The following IGSF11 variants were observed in gnomAD, a reference collection of about 807,000 sequenced individuals.
The protein encoded by IGSF11 is immunoglobulin superfamily member 11.
In IGSF11, 22 loss-of-function variants were observed where a neutral mutation model predicts 41.0. That is an observed-to-expected ratio of 0.54 (90% CI 0.38 to 0.77). The LOEUF is 0.77. IGSF11 is among the 30% of genes least tolerant of loss of function. The pLI, the probability that IGSF11 is intolerant of heterozygous loss-of-function variation, is 0.00. For synonymous variants in IGSF11, 219 were observed against 201.3 expected, an observed-to-expected ratio of 1.09 and a Z score of -0.74; for missense variants, 444 against 530.8, an observed-to-expected ratio of 0.84 and a Z score of 1.61.
chr3:119,040,418 C>G (rs997126000), intron 1 of IGSF11, among the ~76,000 whole-genome samples: 1 of 152,224 alleles, frequency 6.6e-6, no homozygotes, highest in African/African-American at 2.4e-5. Context: ...GTCTCCCACA[C>G]AGCCAGCTCT....
chr3:119,065,909 G>A (rs1463168516), intron 1 of IGSF11, among the ~76,000 whole-genome samples: 1 of 151,588 alleles, frequency 6.6e-6, no homozygotes, highest in Non-Finnish European at 1.5e-5. Context: ...GAATTTACCT[G>A]TGTATTCATT....
intron 1 of IGSF11, among the ~76,000 whole-genome samples, chr3:119,059,214 C>T: frequency 6.7e-6 from 1 of 150,234 alleles, no homozygotes. Context: ...CACACCACAC[C>T]ATGGAAACTA....
intron 1 of IGSF11, among the ~76,000 whole-genome samples, chr3:119,066,705 A>G (rs1942243774): frequency 6.6e-6 from 1 of 152,104 alleles, no homozygotes; most frequent in African/African-American, 2.4e-5. Context: ...TCATCGTACC[A>G]CTATACCTGT....
At chr3:119,083,182 G>T (rs140426578) in intron 1 of IGSF11, among the ~76,000 whole-genome samples, 340 of 148,402 alleles carry the variant, frequency 2.3e-3, no homozygotes, top group African/African-American at 8.3e-3. Flanking sequence ...GCCCAGGGTG[G>T]AGTGCAGTGG....
intron 1 of IGSF11, chr3:118,943,119 C>A (rs1342445939): frequency 3.3e-5 from 5 of 152,302 alleles, no homozygotes; most frequent in Non-Finnish European, 7.3e-5. Flanking sequence ...CGGGCTTGAA[C>A]AAGGGGCTCG....
chr3:119,126,027 G>C (rs532500697), intron 1 of IGSF11, among the ~76,000 whole-genome samples: 3 of 152,356 alleles, frequency 2.0e-5, no homozygotes, highest in African/African-American at 7.2e-5. Context: ...GGGGAGGGGC[G>C]ACCAGCACCG....
intron 1 of IGSF11, among the ~76,000 whole-genome samples, chr3:119,115,386 T>A (rs1183552157): frequency 6.6e-6 from 1 of 152,236 alleles, no homozygotes; most frequent in African/African-American, 2.4e-5. Flanking sequence ...AGGGTTCCCT[T>A]TTCCTCACAT....
At chr3:119,025,039 T>A (rs1282029561) in intron 1 of IGSF11, among the ~76,000 whole-genome samples, 1 of 152,158 alleles carries the variant, frequency 6.6e-6, no homozygotes, top group African/African-American at 2.4e-5. Context: ...TAAGACTATA[T>A]TCGAATGACA....
chr3:118,976,068 A>G (rs1934065701), intron 1 of IGSF11, among the ~76,000 whole-genome samples: 1 of 152,182 alleles, frequency 6.6e-6, no homozygotes, highest in Admixed American at 6.5e-5. Context: ...CCGATACATG[A>G]AATAGAAGAG....
rs1011808067 is a variant in IGSF11 at position 119,046,738 on chromosome 3, C to A, written c.49+58406G>T. On this transcript the variant is annotated intron_variant, in intron 1 of 6. Transcript: ENST00000354673. ...TGAAGGAAAAAATGTTAAGGGCAGC[C>A]AGAGAGAGAAAGGTCTGGTTACCCT... Among the ~76,000 whole-genome samples, 10 of 152,054 alleles carry A rather than the reference C, an allele frequency of 6.6e-5. 1 individual carries two copies. The highest frequency in any genetic ancestry group is 2.4e-4 in the African/African-American group (10 of 41,362).
At chr3:119,008,428 T>C (rs1372696934) in intron 1 of IGSF11, among the ~76,000 whole-genome samples, 3 of 152,312 alleles carry the variant, frequency 2.0e-5, no homozygotes, top group East Asian at 1.9e-4. Flanking sequence ...CCATGCACTA[T>C]AGTACACAGT....
chr3:118,924,988 CA>C (rs1942164181), intron 4 of IGSF11, among the ~76,000 whole-genome samples: 1 of 152,094 alleles, frequency 6.6e-6, no homozygotes, highest in Non-Finnish European at 1.5e-5. Context: ...AATCATTCCA[CA>C]AAAGCAGCTA....
chr3:118,957,517 G>C (rs892292372), intron 1 of IGSF11, among the ~76,000 whole-genome samples: 5 of 151,416 alleles, frequency 3.3e-5, no homozygotes, highest in East Asian at 3.9e-4. Context: ...TGTCGACATA[G>C]AGTTGTTAAT....
At chr3:119,075,237 A>G (rs535760521) in intron 1 of IGSF11, among the ~76,000 whole-genome samples, 8 of 152,188 alleles carry the variant, frequency 5.3e-5, no homozygotes, top group Non-Finnish European at 8.8e-5. Context: ...GAAGAAACAG[A>G]TAAATTCCTG....
At chr3:118,966,120 A>G (rs1386052661) in intron 1 of IGSF11, among the ~76,000 whole-genome samples, 4 of 152,184 alleles carry the variant, frequency 2.6e-5, no homozygotes. Flanking sequence ...AGTGAATAAA[A>G]AAGGCAGGGG....
At chr3:119,042,625 G>A (rs976271643) in intron 1 of IGSF11, among the ~76,000 whole-genome samples, 4 of 152,146 alleles carry the variant, frequency 2.6e-5, no homozygotes, top group Non-Finnish European at 5.9e-5. Flanking sequence ...CCCCGTCCAA[G>A]AAAAGCCTAA....
chr3:119,113,370 T>C (rs942287137), intron 1 of IGSF11, among the ~76,000 whole-genome samples: 2 of 152,094 alleles, frequency 1.3e-5, no homozygotes, highest in Non-Finnish European at 2.9e-5. Context: ...CAAGATACAA[T>C]GAGGATATGG....
chr3:119,056,686 C>A (rs1941849464), intron 1 of IGSF11, among the ~76,000 whole-genome samples: 1 of 152,190 alleles, frequency 6.6e-6, no homozygotes, highest in Non-Finnish European at 1.5e-5. Flanking sequence ...GAATTTTAGA[C>A]CAATGTCCTT....
rs570866904 is a variant in IGSF11, at chr3:118,960,944, C to CT, written c.53-30670dup. ...TCAGCAATATTTCAAGCTTTTCCAGCTTAGACAATCCTTTGGTTTACACAT... is the reference window on the plus strand; with the variant it reads ...TCAGCAATATTTCAAGCTTTTCCAGCTTTAGACAATCCTTTGGTTTACACAT... On this transcript the variant is annotated intron_variant, in intron 1 of 6. Transcript: ENST00000393775. Among the ~76,000 whole-genome samples the CT allele has an allele frequency of 6.1e-4, 93 of 152,312 alleles. 1 individual carries two copies. The South Asian group carries it at 0.019, about 31-fold the overall frequency.
Sources: allele counts gnomAD v4.1 joint callset (sites outside exome capture counted in the v4.1 genomes callset), GRCh38; gene constraint gnomAD v4.1.1; transcripts MANE v1.5; gene names NCBI Gene and HGNC (gene_info 2026-07-23, HGNC 2026-07-21).